The following CTNNA3 variants were observed in gnomAD, a reference collection of about 807,000 sequenced individuals.
The protein encoded by CTNNA3 is catenin alpha-3.
In CTNNA3, 76 loss-of-function variants were observed where a neutral mutation model predicts 95.7. That is an observed-to-expected ratio of 0.79 (90% confidence interval 0.66 to 0.96). The LOEUF (loss-of-function observed/expected upper bound fraction) is 0.96. Ranked by LOEUF, CTNNA3 falls within the 40% of genes least tolerant of loss-of-function variation. The pLI is 0.00. For synonymous variants in CTNNA3, 431 were observed against 374.4 expected (o/e 1.15, Z -1.74); for missense variants, 1,191 against 1,089.8 (o/e 1.09, Z -1.31).
chr10:66,103,351 T>G, intron 13 of CTNNA3, 102 bp from the exon 14 acceptor site: 1 of 849,114 alleles, frequency 1.2e-6, no homozygotes, highest in Non-Finnish European at 2.0e-6. Flanking sequence ...AAAGTTACCA[T>G]ATGACCCAGC....
At chr10:67,235,258 A>C (rs1865400554) in intron 5 of CTNNA3, among the ~76,000 whole-genome samples, 1 of 150,648 alleles carries the variant, frequency 6.6e-6, no homozygotes, top group Non-Finnish European at 1.5e-5. Flanking sequence ...ACCTGACTTC[A>C]AACTATACTA....
chr10:66,647,533 C>CAA (rs575807306), intron 9 of CTNNA3, among the ~76,000 whole-genome samples: 2 of 139,694 alleles, frequency 1.4e-5, no homozygotes, highest in Non-Finnish European at 3.0e-5. Flanking sequence ...TTTCTTGAGA[C>CAA]AGAGTCTTGC....
At chr10:66,044,300 T>G (rs2133507799) in intron 15 of CTNNA3, among the ~76,000 whole-genome samples, 1 of 152,322 alleles carries the variant, frequency 6.6e-6, no homozygotes, top group Non-Finnish European at 1.5e-5. Context: ...CTTCCATTTT[T>G]TATCCAGAAA....
chr10:67,248,228 G>A (rs556673571), intron 5 of CTNNA3, among the ~76,000 whole-genome samples: 1 of 152,144 alleles, frequency 6.6e-6, no homozygotes, highest in African/African-American at 2.4e-5. Context: ...GATGAAGGTG[G>A]GTGTGGTATG....
rs537726448 is a variant in CTNNA3 at position 66,446,409 on chromosome 10, G to C, written c.1532-67057C>G. Among the ~76,000 whole-genome samples the C allele has an allele frequency of 1.2e-4, 19 of 152,086 alleles. 1 individual carries two copies. In the East Asian group the frequency reaches 3.5e-3, roughly 28 times the overall value. The stretch of plus-strand genomic sequence containing the variant: ...TAGACCAATATCCTTGATGAACATT[G>C]ATGCAAAAATCCTCAATAAAATACT... On this transcript the variant is annotated intron_variant, in intron 11 of 17. Transcript: ENST00000433211.
chr10:66,670,122 T>C (rs1009931543), intron 9 of CTNNA3, among the ~76,000 whole-genome samples: 2 of 152,172 alleles, frequency 1.3e-5, no homozygotes, highest in African/African-American at 4.8e-5. Flanking sequence ...TATGGCAACA[T>C]ATTATGAGAG....
chr10:67,169,099 T>C (rs796175271), intron 7 of CTNNA3, among the ~76,000 whole-genome samples: 41 of 152,170 alleles, frequency 2.7e-4, no homozygotes, highest in African/African-American at 8.7e-4. Flanking sequence ...AAGATCTCTA[T>C]AACAAGAATT....
chr10:66,222,819 C>T (rs960329761), intron 13 of CTNNA3, among the ~76,000 whole-genome samples: 4 of 151,886 alleles, frequency 2.6e-5, no homozygotes, highest in African/African-American at 9.7e-5. Context: ...GGCACTAAAA[C>T]GTTGCAGGTA....
At chr10:66,514,603 A>G (rs1840773602) in intron 11 of CTNNA3, among the ~76,000 whole-genome samples, 1 of 152,052 alleles carries the variant, frequency 6.6e-6, no homozygotes, top group African/African-American at 2.4e-5. Context: ...TTTGATCTCC[A>G]CCACCACAGT....
chr10:66,444,617 C>A (rs1380698882), intron 11 of CTNNA3, among the ~76,000 whole-genome samples: 2 of 152,052 alleles, frequency 1.3e-5, no homozygotes, highest in Admixed American at 6.6e-5. Flanking sequence ...TACAGACAAG[C>A]AAATGCTGAG....
At chr10:67,143,970 C>T (rs1860720192) in intron 7 of CTNNA3, among the ~76,000 whole-genome samples, 1 of 152,228 alleles carries the variant, frequency 6.6e-6, no homozygotes, top group Non-Finnish European at 1.5e-5. Flanking sequence ...TCACCATCTA[C>T]AGCGAGTATC....
chr10:66,256,929 A>G (rs12357728), intron 13 of CTNNA3, among the ~76,000 whole-genome samples: 67,883 of 151,866 alleles, frequency 0.45, 16,321 homozygotes, highest in African/African-American at 0.63. Context: ...CCAACCCTGG[A>G]AGCCTGTCCT....
intron 15 of CTNNA3, among the ~76,000 whole-genome samples, chr10:66,003,970 C>G (rs1318462613): frequency 6.6e-6 from 1 of 152,202 alleles, no homozygotes; most frequent in Non-Finnish European, 1.5e-5. Context: ...CACTCTGTTC[C>G]TAAAATCTAT....
intron 12 of CTNNA3, among the ~76,000 whole-genome samples, chr10:66,296,974 T>G (rs531415268): frequency 1.3e-5 from 2 of 152,318 alleles, no homozygotes; most frequent in South Asian, 4.1e-4. Flanking sequence ...TAACGACTGT[T>G]TTTCTTTTTC....
In CTNNA3 at chr10:67,122,526, A is replaced by G. The variant is rs1006764584; in HGVS notation, c.1047+57791T>C. Among the ~76,000 whole-genome samples, 27 of 152,226 alleles carry G rather than the reference A, an allele frequency of 1.8e-4. 1 individual carries two copies. Among genetic ancestry groups the G allele is most frequent in the Admixed American group, 1.2e-3 (19 of 15,274 alleles). On this transcript the variant is annotated intron_variant, in intron 7 of 17. Transcript: ENST00000433211. The stretch of plus-strand genomic sequence containing the variant: ...GGCGGGGGAAGATGTGTCCATTTGC[A>G]AAGTCTATTTTCTTTTTTAAAACAT...
chr10:66,261,191 A>T (rs1232639434), intron 13 of CTNNA3, among the ~76,000 whole-genome samples: 1 of 151,984 alleles, frequency 6.6e-6, no homozygotes, highest in African/African-American at 2.4e-5. Context: ...CCTTTACTTG[A>T]TCTTCTCAGC....
intron 7 of CTNNA3, among the ~76,000 whole-genome samples, chr10:66,838,646 T>A (rs533978123): frequency 1.3e-5 from 2 of 152,242 alleles, no homozygotes; most frequent in Admixed American, 1.3e-4. Flanking sequence ...CCCCCAGGAC[T>A]AGCCTTTACG....
intron 5 of CTNNA3, among the ~76,000 whole-genome samples, chr10:67,494,994 T>C (rs551878303): frequency 1.8e-4 from 28 of 152,342 alleles, no homozygotes; most frequent in Non-Finnish European, 3.8e-4. Context: ...ATGCAATATT[T>C]GAGACATAAT....
chr10:67,237,128 A>G (rs1179589320), intron 5 of CTNNA3, among the ~76,000 whole-genome samples: 19 of 21,266 alleles, frequency 8.9e-4, no homozygotes, highest in African/African-American at 6.6e-3. Flanking sequence ...TGGTGTATGT[A>G]TATATATATA....
Sources: allele counts gnomAD v4.1 joint callset (sites outside exome capture counted in the v4.1 genomes callset), GRCh38; gene constraint gnomAD v4.1.1; transcripts MANE v1.5; gene names NCBI Gene and HGNC (gene_info 2026-07-23, HGNC 2026-07-21).